Variants in PTBP1 observed in about 807,000 individuals in gnomAD.
PTBP1 encodes the protein polypyrimidine tract-binding protein 1.
In PTBP1, 8 loss-of-function variants were observed where a neutral mutation model predicts 59.8. That is an observed-to-expected ratio of 0.13 (90% CI 0.08 to 0.24). The LOEUF (loss-of-function observed/expected upper bound fraction) is 0.24, where lower values mean the gene tolerates loss of function less well. Among genes scored for constraint, PTBP1 ranks in the 10% least tolerant of loss-of-function variants. The probability of loss-of-function intolerance (pLI) is 1.00; values close to 1 mark genes in which losing one functional copy is unlikely to be tolerated. For missense variants in PTBP1, 686 were observed against 767.0 expected (o/e 0.89, Z 1.25); for synonymous variants, 490 against 320.7 (o/e 1.53, Z -5.64).
In PTBP1 at chr19:807,913, G is replaced by A. The variant is rs377512710; in HGVS notation, c.1153+11G>A. ...TCTTTATTCTTTTCGGTATGTTATC[G>A]TTCACACTTTTATTACCTTGTTTTC... On this transcript the variant is annotated intron_variant, in intron 11 of 14. Coordinates refer to ENST00000356948, the MANE Select transcript of PTBP1 (RefSeq NM_002819.5). 3.7e-6 allele frequency: 6 copies of A among 1,608,106 alleles called. No individual in the cohort carries two copies. Among genetic ancestry groups the A allele is most frequent in the Admixed American group, 3.3e-5 (2 of 59,974 alleles).
chr19:797,541 C>G, intron 1 of PTBP1, 36 bp downstream of exon 1: 1 of 1,473,284 alleles, frequency 6.8e-7, no homozygotes, highest in Non-Finnish European at 9.0e-7. Context: ...CACCGCCCTC[C>G]CCGCGCCGCA....
At chr19:805,468 G>A (rs1405631035) in intron 8 of PTBP1, 24 bp from the exon 9 acceptor site, 1 of 1,600,782 alleles carries the variant, frequency 6.2e-7, no homozygotes, top group Non-Finnish European at 8.6e-7. Flanking sequence ...TGGGTGCGAT[G>A]ATTAGTGTCT....
chr19:802,050 G>A (rs1230222894), intron 2 of PTBP1, among the ~76,000 whole-genome samples: 1 of 152,216 alleles, frequency 6.6e-6, no homozygotes, highest in Non-Finnish European at 1.5e-5. Flanking sequence ...GACCCTGAGT[G>A]ATTCCTGGTT....
intron 1 of PTBP1, among the ~76,000 whole-genome samples, 185 bp downstream of exon 1, chr19:797,690 G>A (rs2034131136): frequency 6.7e-6 from 1 of 149,048 alleles, no homozygotes; most frequent in Admixed American, 6.7e-5. Flanking sequence ...CCGGGGGTCT[G>A]GCCGCGTCCC....
At chr19:797,632 C>G (rs981105207) in intron 1 of PTBP1, 127 bp downstream of exon 1, 4 of 538,104 alleles carry the variant, frequency 7.4e-6, no homozygotes, top group Non-Finnish European at 1.1e-5. Flanking sequence ...GGGCTCTCCC[C>G]TTCCTCTCCG....
rs566682314 is a variant in PTBP1 at position 808,956 on chromosome 19, T to G, written c.1463+194T>G. Among the ~76,000 whole-genome samples, 1 of 152,292 alleles carries G rather than the reference T, an allele frequency of 6.6e-6. No individual in the cohort carries two copies. The highest frequency in any genetic ancestry group is 2.1e-4 in the South Asian group (1 of 4,832). ...CAAGGGAGGGGGTCGTTGGACACTT[T>G]GGAGGTTTTGGCTCAGGGGATGCTC... is the stretch of plus-strand genomic sequence containing the variant. On this transcript the variant is annotated intron_variant, in intron 13 of 14. Coordinates refer to ENST00000356948, the MANE Select transcript of PTBP1 (RefSeq NM_002819.5). This position sits in a 1 kb window ranked among gnomAD's most constrained non-coding sequence, Gnocchi z 4.7.
intron 8 of PTBP1, 65 bp from the exon 9 acceptor site, chr19:805,427 G>A (rs2034522004): frequency 4.0e-6 from 6 of 1,489,904 alleles, no homozygotes; most frequent in South Asian, 3.4e-5. Flanking sequence ...GGCCCATCCC[G>A]CAGCACAGCG....
chr19:805,911 G>A, intron 9 of PTBP1: 2 of 342,356 alleles, frequency 5.8e-6, no homozygotes, highest in South Asian at 3.0e-5. Flanking sequence ...TGGTAAGCGC[G>A]CGGCCCGAGG....
At position 808,252 on chromosome 19, in the gene PTBP1, C is replaced by G; in HGVS notation, c.1154-108C>G. The G allele has an allele frequency of 1.0e-6, 1 of 959,912 alleles. No individual in the cohort carries two copies. The highest frequency in any genetic ancestry group is 1.5e-5 in the South Asian group (1 of 67,718). The allele number at this position is 959,912 out of a possible 1,614,324, so 59.5% of individuals were successfully genotyped here. A position where few individuals can be genotyped will look rare whatever the true frequency, so the allele number is the denominator to read the frequency against. ...CTCCGCAGTGGCCGATAAAGCAAAC[C>G]CGGCCGGGCTGAGCCGGGCCTTGTG... On this transcript the variant is annotated intron_variant, in intron 11 of 14. Coordinates refer to ENST00000356948, the MANE Select transcript of PTBP1 (RefSeq NM_002819.5). This position sits in a 1 kb window ranked among gnomAD's most constrained non-coding sequence, Gnocchi z 4.7.
chr19:808,287 G>A lies in PTBP1; in HGVS notation c.1154-73G>A, dbSNP rs1028838659. 6.9e-6 allele frequency: 9 copies of A among 1,295,972 alleles called. No individual in the cohort carries two copies. Among genetic ancestry groups the A allele is most frequent in the Admixed American group, 2.0e-5 (1 of 50,278 alleles). 80.3% of individuals were successfully genotyped at this position (1,295,972 alleles called of 1,614,324 possible). On this transcript the variant is annotated intron_variant, in intron 11 of 14. Transcript: ENST00000356948. This position sits in a 1 kb window ranked among gnomAD's most constrained non-coding sequence, Gnocchi z 4.7. ...TGAGCCGGGCCTTGTGGGGGTGCGCGGGGCCGGGGCTGACGGGGAGATGGG... is the reference window on the plus strand; with the variant it reads ...TGAGCCGGGCCTTGTGGGGGTGCGCAGGGCCGGGGCTGACGGGGAGATGGG...
intron 9 of PTBP1, 74 bp from the exon 10 acceptor site, chr19:806,334 G>C: frequency 6.8e-7 from 1 of 1,465,728 alleles, no homozygotes; most frequent in Non-Finnish European, 9.1e-7. Context: ...GCATGAGGAC[G>C]GGGAGCGTCG....
At chr19:798,605 C>G (rs554461981) in intron 1 of PTBP1, 28 of 152,358 alleles carry the variant, frequency 1.8e-4, no homozygotes, top group Middle Eastern at 3.4e-3. Flanking sequence ...ACCGCGGGCT[C>G]GGGGGCCGCG....
Position 806,739 on chromosome 19 carries a change from C to T in PTBP1, c.1119+183C>T, listed in dbSNP as rs1230361121. On this transcript the variant is annotated intron_variant, in intron 10 of 14. Coordinates refer to ENST00000356948, the MANE Select transcript of PTBP1 (RefSeq NM_002819.5). ...AGATGGCTTGAGTTTTCCTCTTTTCCTGAATTCACATCTTGGTTCGCGTTT... is the reference window on the plus strand; with the variant it reads ...AGATGGCTTGAGTTTTCCTCTTTTCTTGAATTCACATCTTGGTTCGCGTTT... 11 of 525,800 alleles carry T rather than the reference C, an allele frequency of 2.1e-5. No homozygotes were observed. In the South Asian group the frequency reaches 4.0e-4, roughly 19 times the overall value. The allele number at this position is 525,800 out of a possible 1,614,324, so 32.6% of individuals were successfully genotyped here.
chr19:803,921 T>C (rs1011189016), intron 3 of PTBP1, 115 bp from the exon 4 acceptor site: 1 of 1,268,832 alleles, frequency 7.9e-7, no homozygotes, highest in African/African-American at 1.5e-5. Context: ...ACATGCACCC[T>C]CCTGGGGCTC....
chr19:801,196 T>C (rs1391209886), intron 2 of PTBP1, among the ~76,000 whole-genome samples: 1 of 152,166 alleles, frequency 6.6e-6, no homozygotes, highest in Non-Finnish European at 1.5e-5. Context: ...ATCTGTGTGC[T>C]TCAGGACAGG....
Position 808,013 on chromosome 19 carries a change from C to A in PTBP1, c.1153+111C>A. On this transcript the variant is annotated intron_variant, in intron 11 of 14. Coordinates refer to ENST00000356948, the MANE Select transcript of PTBP1 (RefSeq NM_002819.5). The surrounding 1 kb of genome is among the most constrained non-coding windows in gnomAD (Gnocchi z 4.7). ...TTGGCACTCTGATGCTCCGTGGCAT[C>A]CGCCTCGTTTTATGGTTTGCTTTCG... is the stretch of plus-strand genomic sequence containing the variant. The A allele has an allele frequency of 3.0e-6, 3 of 1,009,144 alleles. No homozygotes were observed. Among genetic ancestry groups the A allele is most frequent in the Non-Finnish European group, 3.1e-6 (2 of 636,410 alleles). The allele number at this position is 1,009,144 out of a possible 1,614,324, so 62.5% of individuals were successfully genotyped here.
At chr19:800,672 C>G (rs112109262) in intron 2 of PTBP1, among the ~76,000 whole-genome samples, 64 of 152,308 alleles carry the variant, frequency 4.2e-4, no homozygotes, top group African/African-American at 1.4e-3. Flanking sequence ...CTGCCTGCCC[C>G]GATCTTCCTG....
chr19:805,402 C>A (rs560521077), intron 8 of PTBP1, 90 bp from the exon 9 acceptor site: 10 of 1,374,728 alleles, frequency 7.3e-6, no homozygotes, highest in Non-Finnish European at 1.0e-5. Flanking sequence ...CGGGGCCGCC[C>A]GCCGGCCGGG....
chr19:808,802 G>C lies in PTBP1; in HGVS notation c.1463+40G>C. ...GGGGGGCTCATGGGGCCGGGGGCGG[G>C]CAAGGGCTCTGCTTGGCTGTCCTAC... On this transcript the variant is annotated intron_variant, in intron 13 of 14. Coordinates refer to ENST00000356948, the MANE Select transcript of PTBP1 (RefSeq NM_002819.5). The surrounding 1 kb of genome is among the most constrained non-coding windows in gnomAD (Gnocchi z 4.7). 6.4e-7 allele frequency: 1 copy of C among 1,567,432 alleles called. No homozygotes were observed. The highest frequency in any genetic ancestry group is 8.7e-7 in the Non-Finnish European group (1 of 1,151,398).
Sources: allele counts gnomAD v4.1 joint callset (sites outside exome capture counted in the v4.1 genomes callset), GRCh38; gene constraint gnomAD v4.1.1; non-coding constraint Gnocchi (gnomAD v3.1); transcripts MANE v1.5; gene names NCBI Gene and HGNC (gene_info 2026-07-23, HGNC 2026-07-21).